The following AGBL4 variants were observed in gnomAD, a reference collection of about 807,000 sequenced individuals.
AGBL4 encodes AGBL carboxypeptidase 4.
A neutral mutation model predicts 66.4 loss-of-function variants in AGBL4; 58 were observed. That is an observed-to-expected ratio of 0.87 (90% CI 0.71 to 1.09). AGBL4 has a LOEUF of 1.09. Among genes scored for constraint, AGBL4 ranks in the 50% least tolerant of loss-of-function variants. The pLI is 0.00. For missense variants in AGBL4, 579 were observed against 631.0 expected, an observed-to-expected ratio of 0.92 and a Z score of 0.88; for synonymous variants, 234 against 222.9, an observed-to-expected ratio of 1.05 and a Z score of -0.44.
chr1:49,123,511 G>C (rs1645703630), intron 4 of AGBL4, among the ~76,000 whole-genome samples: 1 of 152,146 alleles, frequency 6.6e-6, no homozygotes, highest in African/African-American at 2.4e-5. Flanking sequence ...AGTTTCAAGA[G>C]AACAACAGTT....
At chr1:49,958,116 T>A (rs1221561897) in intron 1 of AGBL4, among the ~76,000 whole-genome samples, 2 of 152,104 alleles carry the variant, frequency 1.3e-5, no homozygotes. Flanking sequence ...CCTTCACTTA[T>A]GAAGCTTAGT....
In AGBL4 at chr1:49,225,731, G is replaced by A. The variant is rs781076814; in HGVS notation, c.377+20039C>T. ...GACATAAGCAAACTGGATTCCTTTG[G>A]ATTATAAGGTCATCTCAGATATATG... On this transcript the variant is annotated intron_variant, in intron 4 of 13. Transcript: ENST00000371839. 4.0e-4 allele frequency among the ~76,000 whole-genome samples: 61 copies of A among 152,262 alleles called. 1 individual carries two copies. Among genetic ancestry groups the A allele is most frequent in the Middle Eastern group, 3.4e-3 (1 of 294 alleles).
Position 48,634,302 on chromosome 1 carries a change from A to T in AGBL4, c.951+191T>A, listed in dbSNP as rs541920094. 51 of 461,298 alleles carry T rather than the reference A, an allele frequency of 1.1e-4. No individual in the cohort carries two copies. The South Asian group carries it at 1.8e-3, about 16-fold the overall frequency. The allele number at this position is 461,298 out of a possible 1,614,324, so 28.6% of individuals were successfully genotyped here. On this transcript the variant is annotated intron_variant, in intron 9 of 13. Coordinates refer to ENST00000371839, the MANE Select transcript of AGBL4 (RefSeq NM_032785.4). ...CAAAACTGAATCCACTATTTGTGAG[A>T]GGTTGCAGGAAAAGAGATTGGGAGA... is the stretch of plus-strand genomic sequence containing the variant.
chr1:49,910,657 TA>T (rs796831770), intron 1 of AGBL4, among the ~76,000 whole-genome samples: 347 of 132,170 alleles, frequency 2.6e-3, no homozygotes, highest in African/African-American at 6.5e-3. Context: ...GAATGAAGAA[TA>T]AAAAAAAAAA....
intron 6 of AGBL4, among the ~76,000 whole-genome samples, chr1:48,788,360 T>C (rs1645458620): frequency 6.6e-6 from 1 of 152,158 alleles, no homozygotes; most frequent in Non-Finnish European, 1.5e-5. Flanking sequence ...AGGATTTTCC[T>C]CCTCCCTGAA....
chr1:49,403,974 C>T (rs1035266951), intron 3 of AGBL4, among the ~76,000 whole-genome samples: 6 of 152,138 alleles, frequency 3.9e-5, no homozygotes, highest in Non-Finnish European at 7.4e-5. Context: ...TGTCTCCCTC[C>T]CATTTATCTG....
intron 9 of AGBL4, among the ~76,000 whole-genome samples, chr1:48,615,373 G>T (rs1418678860): frequency 6.6e-6 from 1 of 152,182 alleles, no homozygotes; most frequent in African/African-American, 2.4e-5. Context: ...AAGATGTAGG[G>T]AGGGAAAGGA....
intron 6 of AGBL4, among the ~76,000 whole-genome samples, chr1:48,747,730 C>A (rs12024474): frequency 6.6e-6 from 1 of 151,970 alleles, no homozygotes; most frequent in Non-Finnish European, 1.5e-5. Flanking sequence ...CATGAAATTA[C>A]ACCATTTTCT....
At chr1:48,522,663 T>C in the AGBL4 span, among the ~76,000 whole-genome samples, 6 of 152,088 alleles carry the variant, frequency 3.9e-5, no homozygotes, top group African/African-American at 1.4e-4. Context: ...TCGTCTCACC[T>C]CTCCAGAGGT....
intron 2 of AGBL4, chr1:49,846,411 C>T: frequency 6.5e-7 from 1 of 1,529,720 alleles, no homozygotes. Flanking sequence ...ACCCACTCCA[C>T]ATGTGCTGGG....
At chr1:48,659,230 C>A (rs1646069358) in intron 7 of AGBL4, among the ~76,000 whole-genome samples, 1 of 152,186 alleles carries the variant, frequency 6.6e-6, no homozygotes, top group Non-Finnish European at 1.5e-5. Flanking sequence ...TCTCATTAAA[C>A]CCTCACAGCA....
chr1:49,414,452 T>C (rs2148631729), intron 3 of AGBL4, among the ~76,000 whole-genome samples: 1 of 152,288 alleles, frequency 6.6e-6, no homozygotes, highest in East Asian at 1.9e-4. Context: ...GCAGACTAGC[T>C]TCTTAAATAT....
intron 4 of AGBL4, among the ~76,000 whole-genome samples, chr1:49,228,948 C>T (rs1053383856): frequency 6.6e-6 from 1 of 152,134 alleles, no homozygotes; most frequent in Non-Finnish European, 1.5e-5. Flanking sequence ...TAGCACAGGA[C>T]CCAAGCTCAG....
At chr1:49,292,485 T>TCAGAGTG (rs1312806560) in intron 3 of AGBL4, among the ~76,000 whole-genome samples, 2 of 152,100 alleles carry the variant, frequency 1.3e-5, no homozygotes, top group African/African-American at 4.8e-5. Flanking sequence ...CATGGGCCAA[T>TCAGAGTG]CAGAGTGCAT....
chr1:49,215,797 C>T (rs952870254), intron 4 of AGBL4, among the ~76,000 whole-genome samples: 1 of 152,036 alleles, frequency 6.6e-6, no homozygotes, highest in Non-Finnish European at 1.5e-5. Context: ...AATTTGCCTT[C>T]CTGTGGTCAT....
At chr1:49,618,521 C>A (rs1409644798) in intron 3 of AGBL4, among the ~76,000 whole-genome samples, 1 of 152,176 alleles carries the variant, frequency 6.6e-6, no homozygotes, top group African/African-American at 2.4e-5. Context: ...GATTCACAGG[C>A]AAATTCTACC....
At chr1:48,616,859 T>C (rs916807197) in intron 9 of AGBL4, among the ~76,000 whole-genome samples, 9 of 152,240 alleles carry the variant, frequency 5.9e-5, no homozygotes, top group Non-Finnish European at 1.0e-4. Flanking sequence ...CTCCTCTACA[T>C]GCTCCCTGGG....
At chr1:48,732,025 T>C (rs908898922) in intron 6 of AGBL4, among the ~76,000 whole-genome samples, 2 of 152,136 alleles carry the variant, frequency 1.3e-5, no homozygotes, top group African/African-American at 4.8e-5. Context: ...GTTCTCTCCA[T>C]ATTTGGAAAA....
intron 1 of AGBL4, among the ~76,000 whole-genome samples, chr1:50,005,879 A>G (rs919429878): frequency 6.6e-6 from 1 of 152,248 alleles, no homozygotes; most frequent in Non-Finnish European, 1.5e-5. Flanking sequence ...AATGCATCAG[A>G]GTCTCTTAAT....
Sources: gnomAD v4.1 joint callset for allele counts (sites outside exome capture counted in the v4.1 genomes callset) on GRCh38, gnomAD v4.1.1 for gene constraint, MANE v1.5 for transcripts, NCBI Gene and HGNC (gene_info 2026-07-23, HGNC 2026-07-21) for gene names.